The following PRC1 variants were observed in gnomAD, a reference collection of about 807,000 sequenced individuals.
The protein encoded by PRC1 is anaphase spindle elongation 1 homolog.
In PRC1, 54 loss-of-function variants were observed where a neutral mutation model predicts 91.2. The observed-to-expected ratio is 0.59, with a 90% CI of 0.48 to 0.74. The LOEUF is 0.74. Among genes scored for constraint, PRC1 ranks in the 30% least tolerant of loss-of-function variants. The probability of loss-of-function intolerance (pLI) is 0.00; values close to 1 mark genes in which losing one functional copy is unlikely to be tolerated. For missense variants in PRC1, 727 were observed against 746.2 expected (o/e 0.97, Z 0.30); for synonymous variants, 275 against 263.6 (o/e 1.04, Z -0.42).
chr15:90,967,276 AG>A, intron 14 of PRC1, 74 bp from the exon 15 acceptor site: 1 of 1,309,054 alleles, frequency 7.6e-7, no homozygotes, highest in Non-Finnish European at 1.1e-6. Flanking sequence ...AGTTTGGTTA[AG>A]TGTCAGCAAA....
intron 1 of PRC1, chr15:90,987,672 A>G (rs2039682764): frequency 6.6e-6 from 1 of 152,216 alleles, no homozygotes. Context: ...CAGAGAAACT[A>G]CAATCTAGAT....
At chr15:90,982,002 CTG>C in intron 3 of PRC1, 21 bp from the exon 4 acceptor site, 2 of 1,597,080 alleles carry the variant, frequency 1.3e-6, no homozygotes, top group Non-Finnish European at 1.7e-6. Flanking sequence ...CAACGTACCA[CTG>C]TTATAAGATT....
chr15:90,975,213 C>G (rs2038568291), intron 9 of PRC1, among the ~76,000 whole-genome samples: 1 of 152,190 alleles, frequency 6.6e-6, no homozygotes, highest in Admixed American at 6.5e-5. Context: ...TCAAGCGATT[C>G]TTGTGCCTCA....
At position 90,984,149 on chromosome 15, in the gene PRC1, G is replaced by C; in HGVS notation, c.145-9C>G. The C allele has an allele frequency of 3.1e-6, 5 of 1,613,780 alleles. No homozygotes were observed. The highest frequency in any genetic ancestry group is 1.1e-5 in the South Asian group (1 of 91,048). ...ATCATATCCAGGAGTTCCTACAAGAGGGAAAACAGTCCATAAGTTTGGGGC... is the reference window on the plus strand; with the variant it reads ...ATCATATCCAGGAGTTCCTACAAGACGGAAAACAGTCCATAAGTTTGGGGC... On this transcript the variant is annotated splice_polypyrimidine_tract_variant and intron_variant, in intron 2 of 14. Transcript: ENST00000394249. This position sits in a 1 kb window ranked among gnomAD's most constrained non-coding sequence, Gnocchi z 5.1.
intron 7 of PRC1, among the ~76,000 whole-genome samples, chr15:90,979,592 T>G (rs1596308922): frequency 6.6e-6 from 1 of 152,222 alleles, no homozygotes; most frequent in African/African-American, 2.4e-5. Flanking sequence ...TTTTCTGTCT[T>G]GCCCAGCCAG....
At chr15:90,976,838 T>G in intron 8 of PRC1, 67 bp from the exon 9 acceptor site, 1 of 1,368,654 alleles carries the variant, frequency 7.3e-7, no homozygotes. Context: ...TCTGCTAAGA[T>G]TCTTTGTTCT....
chr15:90,967,157 G>A lies in PRC1; in HGVS notation c.1837C>T (p.Leu613Phe), dbSNP rs771139858. Residue 613 changes from leucine to phenylalanine, a missense_variant, in exon 15 of 15, where the codon CTC becomes TTC. Transcript: ENST00000394249. The part of the protein sequence containing the change: ...ASKSDATSGI[L>F]NSTNIQS Reference sequence around the variant, plus strand: ...CAGGACTGGATGTTGGTTGAATTGAGGATTCCAGAAGTAGCATCAGATTTG... The same window carrying A: ...CAGGACTGGATGTTGGTTGAATTGAAGATTCCAGAAGTAGCATCAGATTTG... 1.2e-6 allele frequency: 2 copies of A among 1,614,126 alleles called. No individual in the cohort carries two copies. Among genetic ancestry groups the A allele is most frequent in the East Asian group, 4.5e-5 (2 of 44,886 alleles).
Position 90,974,077 on chromosome 15 carries a change from G to T in PRC1, c.1461+59C>A, listed in dbSNP as rs973673143. The T allele has an allele frequency of 1.4e-6, 2 of 1,449,702 alleles. No homozygotes were observed. The highest frequency in any genetic ancestry group is 1.4e-5 in the African/African-American group (1 of 71,408). 89.8% of individuals were successfully genotyped at this position (1,449,702 alleles called of 1,614,324 possible). On this transcript the variant is annotated intron_variant, in intron 11 of 14. Coordinates refer to ENST00000394249, the MANE Select transcript of PRC1 (RefSeq NM_003981.4). This position sits in a 1 kb window ranked among gnomAD's most constrained non-coding sequence, Gnocchi z 4.6. ...GGGGCTGGCCCCCTTCAAAGAGGTG[G>T]CTGGGACTACCCTCACCCACTCCCT...
chr15:90,992,916 A>G (rs745841182), intron 1 of PRC1, among the ~76,000 whole-genome samples: 21 of 151,710 alleles, frequency 1.4e-4, no homozygotes, highest in Non-Finnish European at 2.1e-4. Flanking sequence ...CATTCCAGAG[A>G]AGGAGCTTTG....
Position 90,974,251 on chromosome 15 carries a change from G to A in PRC1, c.1351-5C>T, listed in dbSNP as rs1481760275. The A allele has an allele frequency of 6.8e-6, 11 of 1,607,664 alleles. No homozygotes were observed. The highest frequency in any genetic ancestry group is 9.4e-6 in the Non-Finnish European group (11 of 1,174,314). ...CTGTTTTTTGTTCTTCAGTTGCTGT[G>A]TGAAAGTCAGAAGCAACAGTGATAA... On this transcript the variant is annotated splice_region_variant and splice_polypyrimidine_tract_variant and intron_variant, in intron 10 of 14. Coordinates refer to ENST00000394249, the MANE Select transcript of PRC1 (RefSeq NM_003981.4). The surrounding 1 kb of genome is among the most constrained non-coding windows in gnomAD (Gnocchi z 4.6).
chr15:90,991,156 G>C (rs892052918), intron 1 of PRC1, among the ~76,000 whole-genome samples: 7 of 151,704 alleles, frequency 4.6e-5, no homozygotes, highest in African/African-American at 1.7e-4. Flanking sequence ...GGTGGCTCGT[G>C]TGCAATCCCA....
intron 1 of PRC1, among the ~76,000 whole-genome samples, chr15:90,986,695 T>C (rs1451885534): frequency 1.6e-5 from 1 of 63,094 alleles, no homozygotes; most frequent in African/African-American, 1.4e-4. Context: ...ATATTTCTAT[T>C]TTATTTATTT....
chr15:90,980,835 A>G, intron 6 of PRC1, 49 bp downstream of exon 6: 1 of 1,611,856 alleles, frequency 6.2e-7, no homozygotes, highest in South Asian at 1.1e-5. Flanking sequence ...TGACTAACAC[A>G]GAAGTGCTAA....
At position 90,973,338 on chromosome 15, in the gene PRC1, G is replaced by A. The variant is rs184487697; in HGVS notation, c.1461+798C>T. Among the ~76,000 whole-genome samples, 267 of 152,306 alleles carry A rather than the reference G, an allele frequency of 1.8e-3. 3 individuals carry two copies. Among genetic ancestry groups the A allele is most frequent in the South Asian group, 2.9e-3 (14 of 4,830 alleles). ...CAATATGTTTACAGGCAGTATGCTC[G>A]GTAAAAGTCATCTGCATTCTCCATT... On this transcript the variant is annotated intron_variant, in intron 11 of 14. Coordinates refer to ENST00000394249, the MANE Select transcript of PRC1 (RefSeq NM_003981.4).
intron 3 of PRC1, among the ~76,000 whole-genome samples, chr15:90,983,089 A>G (rs761559422): frequency 1.3e-5 from 2 of 152,184 alleles, no homozygotes; most frequent in Non-Finnish European, 2.9e-5. Flanking sequence ...GAATGTGAAA[A>G]AAGAAAGAGA....
chr15:90,985,068 C>G (rs2039483769), intron 1 of PRC1, among the ~76,000 whole-genome samples: 1 of 152,150 alleles, frequency 6.6e-6, no homozygotes, highest in South Asian at 2.1e-4. Flanking sequence ...GGACTTTCAA[C>G]AATGATCTAC....
At position 90,974,256 on chromosome 15, in the gene PRC1, A is replaced by T; in HGVS notation, c.1351-10T>A. On this transcript the variant is annotated splice_polypyrimidine_tract_variant and intron_variant, in intron 10 of 14. Coordinates refer to ENST00000394249, the MANE Select transcript of PRC1 (RefSeq NM_003981.4). The surrounding 1 kb of genome is among the most constrained non-coding windows in gnomAD (Gnocchi z 4.6). The stretch of plus-strand genomic sequence containing the variant: ...TTTTGTTCTTCAGTTGCTGTGTGAA[A>T]GTCAGAAGCAACAGTGATAAATCTC... The T allele has an allele frequency of 6.2e-7, 1 of 1,602,090 alleles. No individual in the cohort carries two copies. The highest frequency in any genetic ancestry group is 8.6e-7 in the Non-Finnish European group (1 of 1,169,148).
At chr15:90,972,738 C>CA (rs58183366) in intron 11 of PRC1, 18,826 of 138,398 alleles carry the variant, frequency 0.14, 2,361 homozygotes, top group African/African-American at 0.34. Flanking sequence ...AACTCCATCT[C>CA]AAAAAAAAAA....
intron 14 of PRC1, chr15:90,968,536 A>T: frequency 1.0e-6 from 1 of 991,404 alleles, no homozygotes; most frequent in Non-Finnish European, 1.2e-6. Context: ...CTAGGAAGTG[A>T]AGAGCATTCT....
Sources: allele counts gnomAD v4.1 joint callset (sites outside exome capture counted in the v4.1 genomes callset), GRCh38; gene constraint gnomAD v4.1.1; non-coding constraint Gnocchi (gnomAD v3.1); transcripts MANE v1.5; gene names NCBI Gene and HGNC (gene_info 2026-07-23, HGNC 2026-07-21).